SLCO1A2: variants seen among roughly 807,000 people sequenced by gnomAD.
SLCO1A2 encodes the protein solute carrier organic anion transporter family member 1A2, also known as OATP-1.
Under a neutral mutation model 69.0 loss-of-function variants are expected in SLCO1A2, and 67 were observed. That is an observed-to-expected ratio of 0.97 (90% CI 0.80 to 1.19). SLCO1A2 has a LOEUF of 1.19. SLCO1A2 is among the 50% of genes most tolerant of loss of function. SLCO1A2 has a pLI of 0.00. For synonymous variants in SLCO1A2, 260 were observed against 265.9 expected (o/e 0.98, Z 0.22); for missense variants, 787 against 793.7 (o/e 0.99, Z 0.10).
intron 2 of SLCO1A2, among the ~76,000 whole-genome samples, chr12:21,347,761 T>C (rs979560857): frequency 2.0e-5 from 3 of 151,862 alleles, no homozygotes; most frequent in Non-Finnish European, 4.4e-5. Flanking sequence ...ACAAATTTAA[T>C]AGCATTATAT....
At chr12:21,282,777 T>C (rs1945040776) in intron 12 of SLCO1A2, among the ~76,000 whole-genome samples, 1 of 152,050 alleles carries the variant, frequency 6.6e-6, no homozygotes, top group Admixed American at 6.6e-5. Flanking sequence ...AAATCAGTAG[T>C]GTTTGTATAT....
In SLCO1A2 at chr12:21,318,938, T is replaced by C. The variant is rs775952424; in HGVS notation, c.61-15A>G. 7.0e-6 allele frequency: 11 copies of C among 1,564,076 alleles called. No individual in the cohort carries two copies. The East Asian group carries it at 1.4e-4, about 19-fold the overall frequency. On this transcript the variant is annotated splice_polypyrimidine_tract_variant and intron_variant, in intron 2 of 14. Transcript: ENST00000683939. Reference sequence around the variant, plus strand: ...AACAGAAACATCTAGGAAAAAAATATAAGAAAACGTAGAAAAAATTATTTT... The same window carrying C: ...AACAGAAACATCTAGGAAAAAAATACAAGAAAACGTAGAAAAAATTATTTT...
At chr12:21,323,769 C>T (rs1057512538) in intron 2 of SLCO1A2, among the ~76,000 whole-genome samples, 7 of 152,090 alleles carry the variant, frequency 4.6e-5, no homozygotes, top group Admixed American at 2.0e-4. Context: ...CTCATAATAG[C>T]TCAGAGGGCA....
chr12:21,327,564 T>C (rs145353743), intron 2 of SLCO1A2, among the ~76,000 whole-genome samples: 29 of 152,280 alleles, frequency 1.9e-4, no homozygotes, highest in African/African-American at 6.5e-4. Context: ...GGAACCCACC[T>C]CTTGCATCAG....
chr12:21,334,489 A>G (rs1298450096), intron 2 of SLCO1A2, 99 bp downstream of exon 2: 1 of 819,748 alleles, frequency 1.2e-6, no homozygotes, highest in Non-Finnish European at 2.0e-6. Context: ...TGGCATTAAT[A>G]TTAGATCACT....
At chr12:21,313,827 A>C (rs1240121572) in intron 4 of SLCO1A2, among the ~76,000 whole-genome samples, 1 of 151,902 alleles carries the variant, frequency 6.6e-6, no homozygotes, top group South Asian at 2.1e-4. Context: ...AAAATTAGCC[A>C]GGCATGGTAC....
chr12:21,361,331 T>G (rs1938859573), intron 2 of SLCO1A2, among the ~76,000 whole-genome samples: 1 of 152,196 alleles, frequency 6.6e-6, no homozygotes, highest in African/African-American at 2.4e-5. Flanking sequence ...GTCCTGACTG[T>G]TAGAAGGAAA....
chr12:21,398,962 C>A (rs1941585708), upstream of SLCO1A2, among the ~76,000 whole-genome samples: 2 of 150,642 alleles, frequency 1.3e-5, no homozygotes, highest in African/African-American at 2.4e-5. Flanking sequence ...TGAAAACTGG[C>A]ACAAGACAGG....
intron 2 of SLCO1A2, among the ~76,000 whole-genome samples, chr12:21,323,092 C>A (rs1951843233): frequency 6.6e-6 from 1 of 152,036 alleles, no homozygotes; most frequent in Non-Finnish European, 1.5e-5. Context: ...GTATTCATTA[C>A]CCCTTAAATT....
chr12:21,381,781 C>T (rs1940601283), intron 1 of SLCO1A2, among the ~76,000 whole-genome samples: 2 of 151,838 alleles, frequency 1.3e-5, no homozygotes, highest in East Asian at 1.9e-4. Context: ...GGCTACAGAG[C>T]GAGACTCCGT....
rs762482237 is a variant in SLCO1A2 at position 21,294,106 on chromosome 12, G to A, written c.1276C>T (p.Pro426Ser). The A allele has an allele frequency of 5.1e-6, 8 of 1,581,432 alleles. No homozygotes were observed. Among genetic ancestry groups the A allele is most frequent in the South Asian group, 1.2e-5 (1 of 85,900 alleles). Residue 426 changes from proline to serine, a missense_variant, in exon 11 of 15, where the codon CCA becomes TCA. By Grantham distance (74) the Pro-to-Ser change is moderately conservative (BLOSUM62 -1). Transcript: ENST00000683939. The part of the protein sequence containing the change: ...VGINTSYEGI[P>S]QDLYVENDIF... ...TCATTTTCCACATATAAATCTTGTG[G>A]AATTCTGAAGTGATTTAAAATAATG...
chr12:21,314,998 A>C (rs757624762), intron 3 of SLCO1A2, among the ~76,000 whole-genome samples: 12 of 152,176 alleles, frequency 7.9e-5, no homozygotes, highest in Non-Finnish European at 1.5e-4. Context: ...ATTTGTGACT[A>C]TCTAGACTTG....
intron 1 of SLCO1A2, among the ~76,000 whole-genome samples, chr12:21,377,921 C>T (rs1940319738): frequency 6.6e-6 from 1 of 151,936 alleles, no homozygotes; most frequent in Admixed American, 6.6e-5. Context: ...ATAAATTCTT[C>T]AAGATTTTTA....
At chr12:21,419,045 A>T (rs1377080412), upstream of SLCO1A2, 1 of 152,158 alleles carries the variant, frequency 6.6e-6, no homozygotes. Flanking sequence ...GAGGCTAATA[A>T]TTCAGGATAT....
intron 14 of SLCO1A2, among the ~76,000 whole-genome samples, chr12:21,273,622 C>T (rs1168808909): frequency 6.6e-6 from 1 of 152,114 alleles, no homozygotes; most frequent in Non-Finnish European, 1.5e-5. Context: ...TGAGGCCAAC[C>T]CTCAATAGTG....
Position 21,269,443 on chromosome 12 carries a change from C to T in SLCO1A2, c.*105G>A, listed in dbSNP as rs1233385581. The T allele has an allele frequency of 5.3e-6, 4 of 754,530 alleles. No homozygotes were observed. The African/African-American group carries it at 5.4e-5, about 10-fold the overall frequency. The allele number at this position is 754,530 out of a possible 1,614,324, so 46.7% of individuals were successfully genotyped here. ...TTTGAGTTAAGAGGTTTTTTAGGTTCTTAAAGACAAGAAAAAGTTATCTAT... is the reference window on the plus strand; with the variant it reads ...TTTGAGTTAAGAGGTTTTTTAGGTTTTTAAAGACAAGAAAAAGTTATCTAT... On this transcript the variant is annotated 3_prime_UTR_variant, in exon 15 of 15. Coordinates refer to ENST00000683939, the MANE Select transcript of SLCO1A2 (RefSeq NM_001386879.1).
In SLCO1A2 at chr12:21,369,104, T is replaced by C. The variant is rs560391755; in HGVS notation, c.-63+5295A>G. On this transcript the variant is annotated intron_variant, in intron 2 of 15. Coordinates refer to the SLCO1A2 transcript ENST00000307378. The stretch of plus-strand genomic sequence containing the variant: ...AGTCTTCTAATACCATTTGAACACA[T>C]ACAAATTTGATAAAATGTAAAAATT... Among the ~76,000 whole-genome samples, 48 of 152,294 alleles carry C rather than the reference T, an allele frequency of 3.2e-4. 1 individual carries two copies. The South Asian group carries it at 9.5e-3, about 30-fold the overall frequency.
At chr12:21,286,239 T>C (rs1945763405) in intron 12 of SLCO1A2, among the ~76,000 whole-genome samples, 1 of 135,716 alleles carries the variant, frequency 7.4e-6, no homozygotes, top group South Asian at 2.6e-4. Flanking sequence ...AGCCAAATCA[T>C]GAGTGAACTC....
intron 2 of SLCO1A2, among the ~76,000 whole-genome samples, chr12:21,366,749 C>T (rs1476686287): frequency 6.6e-6 from 1 of 151,694 alleles, no homozygotes; most frequent in Non-Finnish European, 1.5e-5. Flanking sequence ...ATTCAGAAAG[C>T]AAGATCTCTT....
Sources: allele counts gnomAD v4.1 joint callset (sites outside exome capture counted in the v4.1 genomes callset), GRCh38; gene constraint gnomAD v4.1.1; transcripts MANE v1.5; gene names NCBI Gene and HGNC (gene_info 2026-07-23, HGNC 2026-07-21).